The following FRRS1L variants were observed in gnomAD, a reference collection of about 807,000 sequenced individuals.
FRRS1L encodes DOMON domain-containing protein FRRS1L.
In FRRS1L, 22 loss-of-function variants were observed where a neutral mutation model predicts 28.6. The ratio of observed to expected loss-of-function variants is 0.77; its 90% CI spans 0.55 to 1.10. The LOEUF (loss-of-function observed/expected upper bound fraction) is 1.10, where lower values mean the gene tolerates loss of function less well. Among genes scored for constraint, FRRS1L ranks in the 50% least tolerant of loss-of-function variants. The pLI is 0.00. For synonymous variants in FRRS1L, 158 were observed against 151.4 expected (o/e 1.04, Z -0.32); for missense variants, 380 against 386.9 (o/e 0.98, Z 0.15).
At position 109,134,625 on chromosome 9, in the gene FRRS1L, A is replaced by T. The variant is rs1453263468; in HGVS notation, c.*2830T>A. On this transcript the variant is annotated 3_prime_UTR_variant, in exon 5 of 5. Transcript: ENST00000561981. ...TTTACCTTAATGGCACTGAGAAGTC[A>T]TTGAAAGTTCTAAGCATAAATAAGC... 6.6e-6 allele frequency: 1 copy of T among 152,220 alleles called. No homozygotes were observed. The highest frequency in any genetic ancestry group is 1.5e-5 in the Non-Finnish European group (1 of 68,048). The allele number at this position is 152,220 out of a possible 1,614,324, so 9.4% of individuals were successfully genotyped here. A position where few individuals can be genotyped will look rare whatever the true frequency, so the allele number is the denominator to read the frequency against.
At chr9:109,159,457 G>C (rs923793645) in intron 1 of FRRS1L, among the ~76,000 whole-genome samples, 6 of 152,108 alleles carry the variant, frequency 3.9e-5, no homozygotes, top group African/African-American at 1.4e-4. Context: ...ACGAGGTCAG[G>C]GGTTCGAGAC....
intron 1 of FRRS1L, among the ~76,000 whole-genome samples, chr9:109,158,758 T>A (rs1310816151): frequency 2.0e-5 from 3 of 152,256 alleles, no homozygotes; most frequent in African/African-American, 7.2e-5. Context: ...ATTTGGGTTG[T>A]TTCCACTTTT....
intron 1 of FRRS1L, among the ~76,000 whole-genome samples, chr9:109,161,377 G>T (rs901111331): frequency 1.3e-5 from 2 of 152,068 alleles, no homozygotes; most frequent in Non-Finnish European, 1.5e-5. Context: ...TTTTAAAAAA[G>T]GGTGTATCAA....
At chr9:109,147,796 AG>A (rs1226862612) in intron 2 of FRRS1L, 1 of 152,464 alleles carries the variant, frequency 6.6e-6, no homozygotes, top group Non-Finnish European at 1.5e-5. Flanking sequence ...TAGATCGTGC[AG>A]GGTCTTTGGA....
intron 1 of FRRS1L, among the ~76,000 whole-genome samples, chr9:109,155,832 T>C (rs1831397129): frequency 6.6e-6 from 1 of 152,076 alleles, no homozygotes; most frequent in Non-Finnish European, 1.5e-5. Flanking sequence ...AGGATTTCTT[T>C]GGGGGATGAT....
intron 1 of FRRS1L, among the ~76,000 whole-genome samples, chr9:109,155,493 C>A (rs1831392401): frequency 6.6e-6 from 1 of 152,106 alleles, no homozygotes; most frequent in South Asian, 2.1e-4. Context: ...GCAGGCAGAT[C>A]ACTTGAGGTC....
rs1831066047 is a variant in FRRS1L at position 109,132,149 on chromosome 9, G to C, written c.*5306C>G. 2 of 151,976 alleles carry C rather than the reference G, an allele frequency of 1.3e-5. No homozygotes were observed. The highest frequency in any genetic ancestry group is 4.8e-5 in the African/African-American group (2 of 41,412). The allele number at this position is 151,976 out of a possible 1,614,324, so 9.4% of individuals were successfully genotyped here. A position where few individuals can be genotyped will look rare whatever the true frequency, so the allele number is the denominator to read the frequency against. On this transcript the variant is annotated 3_prime_UTR_variant, in exon 5 of 5. Coordinates refer to ENST00000561981, the MANE Select transcript of FRRS1L (RefSeq NM_014334.4). ...CCACCACGCCCAGCTAATTTTTTTTGTATTTTTAGTAGAGATGGGGTTTCA... is the reference window on the plus strand; with the variant it reads ...CCACCACGCCCAGCTAATTTTTTTTCTATTTTTAGTAGAGATGGGGTTTCA...
In FRRS1L at chr9:109,141,488, G is replaced by A. The variant is rs1287532907; in HGVS notation, c.564C>T (p.Asn188=). ...AAACTCCTTCTTCATCTCTGGCAGG[G>A]TTTCTCTGAATCTCCTTTGCCCACT... is the stretch of plus-strand genomic sequence containing the variant. ...VGQWAKEIQR[N]PARDEEGVFE... The change falls in exon 4 of 5, where the codon AAC becomes AAT. Residue 188 remains asparagine, a synonymous_variant. Transcript: ENST00000561981. 6.2e-7 allele frequency: 1 copy of A among 1,614,126 alleles called. No individual in the cohort carries two copies. Among genetic ancestry groups the A allele is most frequent in the African/African-American group, 1.3e-5 (1 of 75,028 alleles).
intron 1 of FRRS1L, among the ~76,000 whole-genome samples, chr9:109,162,302 C>A (rs1056305942): frequency 6.6e-6 from 1 of 152,096 alleles, no homozygotes; most frequent in Non-Finnish European, 1.5e-5. Context: ...GATGACAGAG[C>A]GAGATTCTGT....
At chr9:109,153,549 C>CA (rs1226757133) in intron 1 of FRRS1L, among the ~76,000 whole-genome samples, 2 of 152,158 alleles carry the variant, frequency 1.3e-5, no homozygotes, top group East Asian at 3.9e-4. Flanking sequence ...ATAAAACTGT[C>CA]ATAGTAAAAA....
In FRRS1L at chr9:109,130,707, C is replaced by G. The variant is rs1831047841; in HGVS notation, c.*6748G>C. 6.6e-6 allele frequency: 1 copy of G among 152,108 alleles called. No homozygotes were observed. The highest frequency in any genetic ancestry group is 2.4e-5 in the African/African-American group (1 of 41,412). The allele number at this position is 152,108 out of a possible 1,614,324, so 9.4% of individuals were successfully genotyped here. A position where few individuals can be genotyped will look rare whatever the true frequency, so the allele number is the denominator to read the frequency against. ...AGTCTCAAAAAAGTATATTAATACT[C>G]CTGGAGCCAGATTGTTCCAGCATAT... On this transcript the variant is annotated 3_prime_UTR_variant, in exon 5 of 5. Transcript: ENST00000561981.
At chr9:109,156,934 AAGTGCTTAAATTAC>A (rs1432282317) in intron 1 of FRRS1L, among the ~76,000 whole-genome samples, 1 of 151,930 alleles carries the variant, frequency 6.6e-6, no homozygotes, top group Non-Finnish European at 1.5e-5. Context: ...CAGCCTTCCA[AAGTGCTTAAATTAC>A]AGTTGTAAGC....
chr9:109,149,311 C>A (rs546179646), intron 2 of FRRS1L, among the ~76,000 whole-genome samples: 1 of 152,224 alleles, frequency 6.6e-6, no homozygotes, highest in African/African-American at 2.4e-5. Context: ...GTCCTGCCCA[C>A]AGCCCCTGCT....
chr9:109,163,951 C>A (rs544681820), intron 1 of FRRS1L, among the ~76,000 whole-genome samples: 2 of 152,312 alleles, frequency 1.3e-5, no homozygotes, highest in South Asian at 2.1e-4. Context: ...TAATTTTGAG[C>A]CTTCATGCTA....
At position 109,135,470 on chromosome 9, in the gene FRRS1L, G is replaced by A. The variant is rs1831100807; in HGVS notation, c.*1985C>T. ...CATTTTATTTTACTTATTTTTTTGA[G>A]ACAGGGTCTCCCTCTGTCACCCAGG... On this transcript the variant is annotated 3_prime_UTR_variant, in exon 5 of 5. Transcript: ENST00000561981. 6.6e-6 allele frequency: 1 copy of A among 152,018 alleles called. No individual in the cohort carries two copies. The highest frequency in any genetic ancestry group is 2.4e-5 in the African/African-American group (1 of 41,400). The allele number at this position is 152,018 out of a possible 1,614,324, so 9.4% of individuals were successfully genotyped here.
chr9:109,135,140 G>A lies in FRRS1L; in HGVS notation c.*2315C>T, dbSNP rs911218090. ...GGAGAATGTGAAAGCTCTCCCCACA[G>A]GCAGACTTTCACCTGTGACATGAAT... On this transcript the variant is annotated 3_prime_UTR_variant, in exon 5 of 5. Transcript: ENST00000561981. 36 of 152,194 alleles carry A rather than the reference G, an allele frequency of 2.4e-4. No homozygotes were observed. Among genetic ancestry groups the A allele is most frequent in the Non-Finnish European group, 7.3e-5 (5 of 68,050 alleles). 9.4% of individuals were successfully genotyped at this position (152,194 alleles called of 1,614,324 possible). A position where few individuals can be genotyped will look rare whatever the true frequency, so the allele number is the denominator to read the frequency against.
At chr9:109,145,638 C>G (rs1831248834) in intron 3 of FRRS1L, among the ~76,000 whole-genome samples, 1 of 152,092 alleles carries the variant, frequency 6.6e-6, no homozygotes, top group Non-Finnish European at 1.5e-5. Flanking sequence ...AACTTGAACC[C>G]AGGAGGCAAA....
chr9:109,152,802 T>TC (rs1831349297), intron 1 of FRRS1L, among the ~76,000 whole-genome samples: 1 of 17,106 alleles, frequency 5.8e-5, no homozygotes, highest in African/African-American at 3.2e-4. Context: ...AGACTCCATC[T>TC]CAAAAAAAAA....
chr9:109,157,028 GCT>G (rs952628957), intron 1 of FRRS1L, among the ~76,000 whole-genome samples: 12 of 152,042 alleles, frequency 7.9e-5, no homozygotes, highest in African/African-American at 2.7e-4. Context: ...TTCCCTCTAA[GCT>G]CTCTTTTAGA....
Sources: gnomAD v4.1 joint callset for allele counts (sites outside exome capture counted in the v4.1 genomes callset) on GRCh38, gnomAD v4.1.1 for gene constraint, MANE v1.5 for transcripts, NCBI Gene and HGNC (gene_info 2026-07-23, HGNC 2026-07-21) for gene names.